The following PDE1A variants were observed in gnomAD, a reference collection of about 807,000 sequenced individuals.
PDE1A encodes the protein dual specificity calcium/calmodulin-dependent 3',5'-cyclic nucleotide phosphodiesterase 1A.
A neutral mutation model predicts 61.7 loss-of-function variants in PDE1A; 35 were observed. The observed-to-expected ratio is 0.57, with a 90% confidence interval of 0.43 to 0.75. The LOEUF (loss-of-function observed/expected upper bound fraction) is 0.75, where lower values mean the gene tolerates loss of function less well. PDE1A is among the 30% of genes least tolerant of loss of function. The pLI, the probability that PDE1A is intolerant of heterozygous loss-of-function variation, is 0.00. For missense variants in PDE1A, 597 were observed against 630.6 expected, an observed-to-expected ratio of 0.95 and a Z score of 0.57; for synonymous variants, 232 against 213.2, an observed-to-expected ratio of 1.09 and a Z score of -0.77.
At chr2:182,415,275 T>C (rs182063372) in intron 1 of PDE1A, among the ~76,000 whole-genome samples, 2 of 152,138 alleles carry the variant, frequency 1.3e-5, no homozygotes, top group East Asian at 3.9e-4. Context: ...TTTCAGAAAA[T>C]CACAATAAGT....
chr2:182,241,737 A>G (rs1690527343), intron 2 of PDE1A: 1 of 897,900 alleles, frequency 1.1e-6, no homozygotes, highest in African/African-American at 1.7e-5. Flanking sequence ...AGTCACAAAG[A>G]TACGTGTATA....
At chr2:182,265,211 T>A (rs1423990871) in intron 1 of PDE1A, among the ~76,000 whole-genome samples, 2 of 151,116 alleles carry the variant, frequency 1.3e-5, no homozygotes. Flanking sequence ...ACTAAAGAAC[T>A]TATCCACGTA....
At chr2:182,367,678 A>G (rs1410351511) in intron 1 of PDE1A, among the ~76,000 whole-genome samples, 1 of 152,122 alleles carries the variant, frequency 6.6e-6, no homozygotes, top group East Asian at 1.9e-4. Context: ...TAGATTAGTC[A>G]GTGAGTTTTA....
At chr2:182,635,114 A>G in the PDE1A span, among the ~76,000 whole-genome samples, 11 of 120,634 alleles carry the variant, frequency 9.1e-5, no homozygotes, top group East Asian at 2.3e-3. Context: ...ACATAGCCAC[A>G]TTGTAAATGG....
At chr2:182,456,342 C>T (rs1314541161) in intron 2 of PDE1A, among the ~76,000 whole-genome samples, 1 of 152,000 alleles carries the variant, frequency 6.6e-6, no homozygotes, top group Non-Finnish European at 1.5e-5. Context: ...CTCCAATGCA[C>T]ACTAGTTTCA....
At chr2:182,715,894 C>T in the PDE1A span, 2 of 152,276 alleles carry the variant, frequency 1.3e-5, no homozygotes, top group Non-Finnish European at 2.9e-5. Context: ...CCAGACAAAT[C>T]CTCCAAAGCT....
the PDE1A span, among the ~76,000 whole-genome samples, chr2:182,539,136 A>G: frequency 6.6e-6 from 1 of 152,162 alleles, no homozygotes; most frequent in African/African-American, 2.4e-5. Flanking sequence ...TTCCTTCAAC[A>G]TACAAAATTC....
At position 182,182,036 on chromosome 2, in the gene PDE1A, G is replaced by C. The variant is rs143008397; in HGVS notation, c.1516+3856C>G. Among the ~76,000 whole-genome samples the C allele has an allele frequency of 7.1e-3, 1,073 of 152,024 alleles. 6 individuals are homozygous for C. The highest frequency in any genetic ancestry group is 0.017 in the Middle Eastern group (5 of 294). On this transcript the variant is annotated intron_variant, in intron 13 of 13. Transcript: ENST00000351439. ...TTTACTGTTTTTTACACTTTATTTT[G>C]CAGTCATGAACAATGCTGCTGTGAA...
chr2:182,647,071 T>C, the PDE1A span, among the ~76,000 whole-genome samples: 6 of 152,250 alleles, frequency 3.9e-5, no homozygotes, highest in Non-Finnish European at 8.8e-5. Context: ...GTTTGTTTCT[T>C]TGTTTTTAAC....
the PDE1A span, among the ~76,000 whole-genome samples, chr2:182,674,693 G>A: frequency 2.6e-5 from 4 of 152,024 alleles, no homozygotes; most frequent in South Asian, 4.2e-4. Flanking sequence ...AAATTCAATG[G>A]TAGATTCAAA....
chr2:182,457,988 T>C (rs969787954), intron 2 of PDE1A, among the ~76,000 whole-genome samples: 3 of 152,098 alleles, frequency 2.0e-5, no homozygotes, highest in East Asian at 3.9e-4. Context: ...AAAATTTCTA[T>C]ACATCCTCTA....
chr2:182,163,107 T>A (rs1463078465), downstream of PDE1A, among the ~76,000 whole-genome samples: 2 of 152,186 alleles, frequency 1.3e-5, no homozygotes, highest in African/African-American at 4.8e-5. Context: ...CTATTTGGCT[T>A]GTACAGAAGA....
At chr2:182,506,399 G>C (rs533364918) in intron 2 of PDE1A, among the ~76,000 whole-genome samples, 2 of 152,228 alleles carry the variant, frequency 1.3e-5, no homozygotes, top group Middle Eastern at 3.4e-3. Flanking sequence ...AAATTTTAAA[G>C]GCTAACTAGT....
intron 1 of PDE1A, among the ~76,000 whole-genome samples, chr2:182,385,365 AGAAATAT>A (rs1479822848): frequency 6.6e-6 from 1 of 152,192 alleles, no homozygotes; most frequent in Non-Finnish European, 1.5e-5. Context: ...TAATTTGTTA[AGAAATAT>A]GAAATATAAA....
chr2:182,677,257 A>G, the PDE1A span, among the ~76,000 whole-genome samples: 2 of 152,206 alleles, frequency 1.3e-5, no homozygotes, highest in African/African-American at 4.8e-5. Context: ...TAACATTCCT[A>G]TACACCAACA....
At chr2:182,682,916 G>C in the PDE1A span, among the ~76,000 whole-genome samples, 1 of 152,058 alleles carries the variant, frequency 6.6e-6, no homozygotes, top group Non-Finnish European at 1.5e-5. Context: ...GTAGGGGTGT[G>C]TCTGTGCATG....
chr2:182,618,080 G>A, the PDE1A span, among the ~76,000 whole-genome samples: 3 of 152,132 alleles, frequency 2.0e-5, no homozygotes, highest in African/African-American at 4.8e-5. Flanking sequence ...CCTGCTTAAT[G>A]TTCTAATGTC....
At chr2:182,715,904 T>A in the PDE1A span, 1 of 152,144 alleles carries the variant, frequency 6.6e-6, no homozygotes, top group Non-Finnish European at 1.5e-5. Flanking sequence ...CCTCCAAAGC[T>A]CCGTCTTCCC....
intron 2 of PDE1A, among the ~76,000 whole-genome samples, chr2:182,439,205 T>C (rs1574658414): frequency 1.3e-5 from 2 of 151,970 alleles, no homozygotes; most frequent in East Asian, 3.9e-4. Context: ...ATAGTGAATT[T>C]GTGATGCCAA....
Sources: gnomAD v4.1 joint callset for allele counts (sites outside exome capture counted in the v4.1 genomes callset) on GRCh38, gnomAD v4.1.1 for gene constraint, MANE v1.5 for transcripts, NCBI Gene and HGNC (gene_info 2026-07-23, HGNC 2026-07-21) for gene names.